Variants in DACH2 observed in about 807,000 individuals in gnomAD.
DACH2 encodes the protein dachshund homolog 2.
A neutral mutation model predicts 35.8 loss-of-function variants in DACH2; 17 were observed. The ratio of observed to expected loss-of-function variants is 0.48; its 90% CI spans 0.33 to 0.71. The LOEUF is 0.71. DACH2 is among the 30% of genes least tolerant of loss of function. DACH2 has a pLI of 0.02. For synonymous variants in DACH2, 195 were observed against 177.3 expected (o/e 1.10, Z -0.79); for missense variants, 469 against 472.7 (o/e 0.99, Z 0.07).
intron 7 of DACH2, among the ~76,000 whole-genome samples, chrX:86,777,922 TA>T (rs2042051826): frequency 9.0e-6 from 1 of 111,526 alleles, no homozygotes; most frequent in Non-Finnish European, 1.9e-5. Context: ...TAAAGTTTTT[TA>T]AAGGGGGAAT....
intron 1 of DACH2, among the ~76,000 whole-genome samples, chrX:86,159,547 A>G (rs2030673424): frequency 8.9e-6 from 1 of 112,155 alleles, no homozygotes; most frequent in African/African-American, 3.2e-5. Flanking sequence ...CAAAGCATAC[A>G]ATCTTTAGGT....
intron 3 of DACH2, among the ~76,000 whole-genome samples, chrX:86,545,095 T>A (rs2038939442): frequency 8.9e-6 from 1 of 112,065 alleles, no homozygotes; most frequent in Admixed American, 9.5e-5. Context: ...ATGCATCGCC[T>A]TGCATGAGTA....
intron 2 of DACH2, among the ~76,000 whole-genome samples, chrX:86,449,313 T>G (rs1197326639): frequency 4.2e-5 from 4 of 94,191 alleles, no homozygotes; most frequent in African/African-American, 1.6e-4. Flanking sequence ...TCTGCTCTGA[T>G]TTTAGTTATT....
chrX:86,666,198 A>G (rs1290123349), intron 4 of DACH2, among the ~76,000 whole-genome samples: 1 of 110,548 alleles, frequency 9.0e-6, no homozygotes, highest in East Asian at 2.9e-4. Flanking sequence ...TTTCATCTCC[A>G]CCAACCTCTG....
At chrX:86,624,771 T>C (rs1357329085) in intron 3 of DACH2, among the ~76,000 whole-genome samples, 1 of 111,373 alleles carries the variant, frequency 9.0e-6, no homozygotes, top group Non-Finnish European at 1.9e-5. Flanking sequence ...TATACGGTCA[T>C]ATTCATGGCA....
chrX:86,820,238 T>A (rs904205502), intron 11 of DACH2, among the ~76,000 whole-genome samples: 1 of 111,994 alleles, frequency 8.9e-6, no homozygotes, highest in African/African-American at 3.2e-5. Context: ...GAATGTCAAT[T>A]TCTGTGAATA....
chrX:86,685,331 T>C (rs2040929890), intron 4 of DACH2, among the ~76,000 whole-genome samples: 1 of 112,100 alleles, frequency 8.9e-6, no homozygotes, highest in Non-Finnish European at 1.9e-5. Context: ...CCTCTAATGA[T>C]TGAGTGGTGA....
intron 1 of DACH2, chrX:86,263,146 A>G (rs2033656960): frequency 3.9e-6 from 1 of 255,338 alleles, no homozygotes; most frequent in Non-Finnish European, 5.5e-6. Context: ...ATGTCAAAAG[A>G]AAGCAGCTAT....
At chrX:86,604,337 T>C (rs1351765341) in intron 3 of DACH2, among the ~76,000 whole-genome samples, 1 of 111,263 alleles carries the variant, frequency 9.0e-6, no homozygotes, top group African/African-American at 3.3e-5. Context: ...ATCTTACTTT[T>C]ATGCTGTCTA....
intron 4 of DACH2, among the ~76,000 whole-genome samples, chrX:86,658,719 G>C (rs889985665): frequency 7.2e-5 from 8 of 111,709 alleles, no homozygotes; most frequent in Admixed American, 3.8e-4. Context: ...TATAATTGTA[G>C]CTGTCAAATT....
At chrX:86,272,716 T>C (rs757262059) in intron 1 of DACH2, among the ~76,000 whole-genome samples, 2 of 112,095 alleles carry the variant, frequency 1.8e-5, no homozygotes, top group South Asian at 7.5e-4. Context: ...TGAGGTGTTC[T>C]ATGTCAGAGA....
At chrX:86,294,760 A>C (rs1303807080) in intron 1 of DACH2, among the ~76,000 whole-genome samples, 2 of 109,780 alleles carry the variant, frequency 1.8e-5, no homozygotes, top group Non-Finnish European at 3.8e-5. Context: ...GACCCACTTG[A>C]GGAGGCAGTC....
At chrX:86,665,865 C>A in intron 4 of DACH2, among the ~76,000 whole-genome samples, 1 of 110,938 alleles carries the variant, frequency 9.0e-6, no homozygotes, top group South Asian at 3.8e-4. Context: ...TCCCTGATTT[C>A]TGGGTCGCTA....
At position 86,832,165 on chromosome X, in the gene DACH2, G is replaced by A. The variant is rs773289890; in HGVS notation, c.*10G>A. ...GTTGTATTCAGCCTGAAAGGTCCTC[G>A]CTGGCTTTACATAAATGAAGATGCT... On this transcript the variant is annotated 3_prime_UTR_variant, in exon 12 of 12. Coordinates refer to ENST00000373125, the MANE Select transcript of DACH2 (RefSeq NM_053281.3). 1.2e-5 allele frequency: 14 copies of A among 1,169,172 alleles called. No homozygotes were observed. The highest frequency in any genetic ancestry group is 1.8e-5 in the South Asian group (1 of 54,673).
At chrX:86,388,897 T>C (rs1424969572) in intron 2 of DACH2, among the ~76,000 whole-genome samples, 4 of 111,680 alleles carry the variant, frequency 3.6e-5, no homozygotes, top group Non-Finnish European at 7.5e-5. Flanking sequence ...GGCATTGCTG[T>C]TATTCACACT....
chrX:86,497,595 G>A (rs1569421507), intron 2 of DACH2, among the ~76,000 whole-genome samples: 1 of 111,267 alleles, frequency 9.0e-6, no homozygotes, highest in South Asian at 3.8e-4. Flanking sequence ...GAATTTCCAA[G>A]GGATAGGGAT....
chrX:86,381,151 G>A (rs1207384273), intron 2 of DACH2, among the ~76,000 whole-genome samples: 2 of 109,733 alleles, frequency 1.8e-5, no homozygotes, highest in Non-Finnish European at 3.8e-5. Flanking sequence ...AACTTTAATG[G>A]TTACTGCCAA....
intron 4 of DACH2, among the ~76,000 whole-genome samples, chrX:86,683,830 A>T (rs945962067): frequency 2.7e-5 from 3 of 111,435 alleles, no homozygotes; most frequent in Non-Finnish European, 1.9e-5. Context: ...GAGTAGGTAG[A>T]TTATATTTCC....
At chrX:86,570,472 G>T (rs2039351646) in intron 3 of DACH2, among the ~76,000 whole-genome samples, 1 of 111,389 alleles carries the variant, frequency 9.0e-6, no homozygotes, top group Non-Finnish European at 1.9e-5. Context: ...ATTATCCTCT[G>T]CAAACTAATG....
Sources: allele counts gnomAD v4.1 joint callset (sites outside exome capture counted in the v4.1 genomes callset), GRCh38; gene constraint gnomAD v4.1.1; transcripts MANE v1.5; gene names NCBI Gene and HGNC (gene_info 2026-07-23, HGNC 2026-07-21).